Variants in AFG1L observed in about 807,000 individuals in gnomAD.
AFG1L encodes AFG1-like ATPase.
A neutral mutation model predicts 62.2 loss-of-function variants in AFG1L; 53 were observed. The ratio of observed to expected loss-of-function variants is 0.85; its 90% CI spans 0.68 to 1.07. The LOEUF (loss-of-function observed/expected upper bound fraction) is 1.07. Among genes scored for constraint, AFG1L ranks in the 50% least tolerant of loss-of-function variants. The pLI, the probability that AFG1L is intolerant of heterozygous loss-of-function variation, is 0.00. For missense variants in AFG1L, 555 were observed against 590.5 expected (o/e 0.94, Z 0.62); for synonymous variants, 228 against 210.3 (o/e 1.08, Z -0.73).
At chr6:108,332,633 C>G (rs368594637) in intron 2 of AFG1L, among the ~76,000 whole-genome samples, 1 of 152,006 alleles carries the variant, frequency 6.6e-6, no homozygotes, top group East Asian at 1.9e-4. Flanking sequence ...TTCTTTTTTT[C>G]GAGGTAGAGT....
rs998471058 is a variant in AFG1L, at chr6:108,524,562, A to C, written c.*2137A>C. ...CTATAATGTCATTTTGGTACGAAAG[A>C]ACTTAAACCCTGAGAAAAAAACTGT... On this transcript the variant is annotated 3_prime_UTR_variant, in exon 13 of 13. Coordinates refer to ENST00000368977, the MANE Select transcript of AFG1L (RefSeq NM_145315.5). 2 of 152,240 alleles carry C rather than the reference A, an allele frequency of 1.3e-5. No homozygotes were observed. The highest frequency in any genetic ancestry group is 3.8e-4 in the East Asian group (2 of 5,206). The allele number at this position is 152,240 out of a possible 1,614,324, so 9.4% of individuals were successfully genotyped here.
At chr6:108,359,169 G>A (rs1408591101) in intron 5 of AFG1L, 2 of 152,108 alleles carry the variant, frequency 1.3e-5, no homozygotes, top group Non-Finnish European at 1.5e-5. Flanking sequence ...GAAAGTAAAA[G>A]TTCCTAGGGC....
At chr6:108,520,548 C>T (rs954957474) in intron 12 of AFG1L, 1 of 142,168 alleles carries the variant, frequency 7.0e-6, no homozygotes, top group African/African-American at 3.1e-5. Context: ...TATCAACACT[C>T]ACCCCATGAG....
At chr6:108,412,477 G>C (rs1158838571) in intron 7 of AFG1L, among the ~76,000 whole-genome samples, 3 of 152,186 alleles carry the variant, frequency 2.0e-5, no homozygotes, top group Non-Finnish European at 2.9e-5. Flanking sequence ...ATTCACCAAA[G>C]TTGAAATGAA....
intron 2 of AFG1L, among the ~76,000 whole-genome samples, chr6:108,342,028 G>T (rs934461260): frequency 1.3e-5 from 2 of 152,162 alleles, no homozygotes; most frequent in Non-Finnish European, 2.9e-5. Flanking sequence ...CAGGCTTAAG[G>T]CAGCAAACAA....
chr6:108,455,176 T>G (rs1772204410), intron 8 of AFG1L, among the ~76,000 whole-genome samples: 1 of 152,204 alleles, frequency 6.6e-6, no homozygotes, highest in South Asian at 2.1e-4. Context: ...TGAAAATATT[T>G]ACAGATGAAA....
intron 1 of AFG1L, among the ~76,000 whole-genome samples, chr6:108,316,888 C>A (rs1777626478): frequency 6.6e-6 from 1 of 152,140 alleles, no homozygotes; most frequent in Admixed American, 6.6e-5. Context: ...AAGTTAATAA[C>A]ATCCATCACC....
At chr6:108,410,669 A>AAATATTGG (rs372809610) in intron 7 of AFG1L, among the ~76,000 whole-genome samples, 15 of 152,166 alleles carry the variant, frequency 9.9e-5, no homozygotes, top group African/African-American at 3.1e-4. Flanking sequence ...TGTGGTAAGA[A>AAATATTGG]AATATTGGTG....
chr6:108,446,960 T>A (rs1217222555), intron 7 of AFG1L, among the ~76,000 whole-genome samples: 1 of 152,186 alleles, frequency 6.6e-6, no homozygotes, highest in East Asian at 1.9e-4. Context: ...CTGACAGCAC[T>A]TTTTAGGCAA....
chr6:108,446,539 C>A lies in AFG1L; in HGVS notation c.808-675C>A, dbSNP rs143231965. Among the ~76,000 whole-genome samples the A allele has an allele frequency of 6.2e-3, 830 of 133,390 alleles. 10 individuals carry two copies. Among genetic ancestry groups the A allele is most frequent in the African/African-American group, 0.023 (797 of 35,282 alleles). The allele number at this position is 133,390 out of a possible 152,430, so 87.5% of individuals were successfully genotyped here. ...TGTGTGTGTGAGACAAGGTCTTGCT[C>A]TGTTGCCCAGGCTGAAGTGCAGTGG... On this transcript the variant is annotated intron_variant, in intron 7 of 12. Transcript: ENST00000368977.
At chr6:108,322,516 G>A (rs1355409141) in intron 1 of AFG1L, among the ~76,000 whole-genome samples, 1 of 152,122 alleles carries the variant, frequency 6.6e-6, no homozygotes, top group Non-Finnish European at 1.5e-5. Flanking sequence ...TGCAAGAGAG[G>A]CCAGGAGATG....
intron 8 of AFG1L, among the ~76,000 whole-genome samples, chr6:108,465,738 T>G (rs971503539): frequency 4.0e-5 from 6 of 150,780 alleles, no homozygotes; most frequent in Non-Finnish European, 8.8e-5. Context: ...AAAGTGAAGA[T>G]ATCTTGAAGC....
At chr6:108,367,678 A>G (rs937950576) in intron 6 of AFG1L, among the ~76,000 whole-genome samples, 2 of 152,158 alleles carry the variant, frequency 1.3e-5, no homozygotes, top group African/African-American at 2.4e-5. Context: ...GGGGATACAT[A>G]TAAGAGTTTG....
chr6:108,330,849 AAAT>A (rs554421252), intron 2 of AFG1L, among the ~76,000 whole-genome samples: 3 of 152,154 alleles, frequency 2.0e-5, no homozygotes, highest in Non-Finnish European at 2.9e-5. Context: ...ACCTGTTTAA[AAAT>A]AAATAAATAA....
At chr6:108,471,100 G>A (rs1036304079) in intron 8 of AFG1L, among the ~76,000 whole-genome samples, 10 of 152,158 alleles carry the variant, frequency 6.6e-5, no homozygotes, top group Admixed American at 2.6e-4. Context: ...AGAAATGTGA[G>A]GGCATGCTGA....
intron 1 of AFG1L, among the ~76,000 whole-genome samples, chr6:108,323,621 A>G (rs904662567): frequency 6.6e-6 from 1 of 152,244 alleles, no homozygotes; most frequent in Non-Finnish European, 1.5e-5. Context: ...TTGGTCTCCC[A>G]AAGTGCTGGA....
chr6:108,514,559 A>G (rs922079126), intron 11 of AFG1L, among the ~76,000 whole-genome samples: 9 of 152,250 alleles, frequency 5.9e-5, no homozygotes, highest in African/African-American at 1.9e-4. Flanking sequence ...AATTGTAAAG[A>G]CCATCGAGCC....
chr6:108,452,336 A>G (rs1772090536), intron 8 of AFG1L, among the ~76,000 whole-genome samples: 1 of 152,076 alleles, frequency 6.6e-6, no homozygotes, highest in East Asian at 1.9e-4. Context: ...TGCTATCCCT[A>G]TTGTGAAGCG....
At chr6:108,318,716 G>A (rs1266037809) in intron 1 of AFG1L, among the ~76,000 whole-genome samples, 1 of 152,170 alleles carries the variant, frequency 6.6e-6, no homozygotes. Flanking sequence ...TGAAGTATTC[G>A]AAAGAATAGC....
Sources: gnomAD v4.1 joint callset for allele counts (sites outside exome capture counted in the v4.1 genomes callset) on GRCh38, gnomAD v4.1.1 for gene constraint, MANE v1.5 for transcripts, NCBI Gene and HGNC (gene_info 2026-07-23, HGNC 2026-07-21) for gene names.